SLC35F1: variants seen among roughly 807,000 people sequenced by gnomAD.
SLC35F1 encodes the protein chromosome 6 open reading frame 169.
SLC35F1 carries 14 observed loss-of-function variants against 48.7 expected under a neutral mutation model. The observed-to-expected ratio is 0.29, with a 90% CI of 0.19 to 0.45. The LOEUF is 0.45. Among genes scored for constraint, SLC35F1 ranks in the 20% least tolerant of loss-of-function variants. The probability of loss-of-function intolerance (pLI) is 1.00; values close to 1 mark genes in which losing one functional copy is unlikely to be tolerated. For synonymous variants in SLC35F1, 190 were observed against 202.2 expected, an observed-to-expected ratio of 0.94 and a Z score of 0.51; for missense variants, 404 against 500.0, an observed-to-expected ratio of 0.81 and a Z score of 1.83.
intron 1 of SLC35F1, among the ~76,000 whole-genome samples, chr6:118,097,943 C>T (rs1773202116): frequency 2.0e-5 from 3 of 151,988 alleles, no homozygotes; most frequent in Admixed American, 1.3e-4. Flanking sequence ...TGTCTTTTTT[C>T]TAAAAATAAG....
chr6:118,147,165 A>G (rs1773986096), intron 1 of SLC35F1, among the ~76,000 whole-genome samples: 1 of 152,198 alleles, frequency 6.6e-6, no homozygotes, highest in African/African-American at 2.4e-5. Flanking sequence ...TTCACAGTGC[A>G]TTCTGTGTAG....
chr6:118,033,126 C>T (rs545535958), intron 1 of SLC35F1, among the ~76,000 whole-genome samples: 2 of 152,224 alleles, frequency 1.3e-5, no homozygotes, highest in East Asian at 3.9e-4. Context: ...TAGGGCTTCC[C>T]TCCACCAAGT....
intron 1 of SLC35F1, chr6:117,999,578 A>AG: frequency 3.0e-6 from 2 of 661,910 alleles, no homozygotes; most frequent in Admixed American, 2.8e-5. Context: ...GAAAAAAAAA[A>AG]AAAAGAAATA....
chr6:117,972,491 A>G (rs1316845163), intron 1 of SLC35F1, among the ~76,000 whole-genome samples: 2 of 152,230 alleles, frequency 1.3e-5, no homozygotes. Context: ...TGCTGCTAAT[A>G]AAGACATACC....
intron 2 of SLC35F1, 64 bp from the exon 3 acceptor site, chr6:118,235,445 T>A (rs1260737390): frequency 2.8e-6 from 4 of 1,441,678 alleles, no homozygotes; most frequent in Non-Finnish European, 2.8e-6. Flanking sequence ...TTAGAATTCT[T>A]CTAAATGTAC....
intron 1 of SLC35F1, among the ~76,000 whole-genome samples, chr6:118,061,418 G>C (rs1772534368): frequency 6.6e-6 from 1 of 151,940 alleles, no homozygotes; most frequent in Non-Finnish European, 1.5e-5. Flanking sequence ...TTTTCTTTCT[G>C]AATTAGAAAA....
intron 2 of SLC35F1, among the ~76,000 whole-genome samples, chr6:118,219,934 C>T (rs536331887): frequency 4.6e-5 from 7 of 152,118 alleles, no homozygotes; most frequent in South Asian, 2.1e-4. Context: ...AACCAAACAC[C>T]TCATGTTCTC....
At chr6:118,002,639 ATTTC>A (rs1354130479) in intron 1 of SLC35F1, among the ~76,000 whole-genome samples, 4 of 151,872 alleles carry the variant, frequency 2.6e-5, no homozygotes, top group Non-Finnish European at 5.9e-5. Flanking sequence ...TAAAAAAAGA[ATTTC>A]TTTCTTTCTA....
chr6:118,000,128 C>G (rs1764797706), intron 1 of SLC35F1, among the ~76,000 whole-genome samples: 1 of 152,196 alleles, frequency 6.6e-6, no homozygotes, highest in South Asian at 2.1e-4. Context: ...ATACCAAAGC[C>G]TGGCAGAGAT....
chr6:118,145,296 A>C (rs1030136125), intron 1 of SLC35F1, among the ~76,000 whole-genome samples: 1 of 152,218 alleles, frequency 6.6e-6, no homozygotes, highest in Non-Finnish European at 1.5e-5. Flanking sequence ...ACAGGAGTGA[A>C]TGTTCTGCTA....
At chr6:118,241,774 T>A (rs182872410) in intron 3 of SLC35F1, among the ~76,000 whole-genome samples, 1 of 152,346 alleles carries the variant, frequency 6.6e-6, no homozygotes, top group Non-Finnish European at 1.5e-5. Context: ...GTTCTTCATC[T>A]ATACAATTCT....
At chr6:118,098,788 G>A (rs141918720) in intron 1 of SLC35F1, among the ~76,000 whole-genome samples, 2 of 152,290 alleles carry the variant, frequency 1.3e-5, no homozygotes, top group African/African-American at 4.8e-5. Context: ...TACTATTGAT[G>A]TGAAAGAAAT....
rs141229392 is a variant in SLC35F1, at chr6:117,939,183, G to A, written c.173+31284G>A. 2.9e-3 allele frequency among the ~76,000 whole-genome samples: 436 copies of A among 151,872 alleles called. 3 individuals are homozygous for A. The highest frequency in any genetic ancestry group is 0.01 in the Middle Eastern group (3 of 294). On this transcript the variant is annotated intron_variant, in intron 1 of 7. Coordinates refer to ENST00000360388, the MANE Select transcript of SLC35F1 (RefSeq NM_001029858.4). ...ACTGGCTAATTTTTAAAATTTGTTG[G>A]TATTATTTTGTAGAGACAGGGTCTC...
intron 1 of SLC35F1, among the ~76,000 whole-genome samples, chr6:118,120,579 G>T (rs946305386): frequency 1.3e-5 from 2 of 151,912 alleles, no homozygotes; most frequent in Non-Finnish European, 2.9e-5. Context: ...TGAATTTGTT[G>T]GTTTATGTTT....
At chr6:118,068,767 A>C (rs908808620) in intron 1 of SLC35F1, among the ~76,000 whole-genome samples, 3 of 152,174 alleles carry the variant, frequency 2.0e-5, no homozygotes, top group Non-Finnish European at 2.9e-5. Context: ...ATCTTATCCA[A>C]ACCTCATAAC....
Position 118,176,691 on chromosome 6 carries a change from C to T in SLC35F1, c.349+22071C>T, listed in dbSNP as rs557199849. 1.3e-4 allele frequency among the ~76,000 whole-genome samples: 20 copies of T among 152,198 alleles called. 1 individual carries two copies. In the South Asian group the frequency reaches 2.7e-3, roughly 20 times the overall value. On this transcript the variant is annotated intron_variant, in intron 2 of 7. Coordinates refer to ENST00000360388, the MANE Select transcript of SLC35F1 (RefSeq NM_001029858.4). ...ACATATTGTTTTATGACAAAGCTAA[C>T]GTAGCTAAGCCTTACAAGGTACATT...
rs1376458050 is a variant in SLC35F1 at position 118,314,181 on chromosome 6, G to C, written c.1156G>C (p.Val386Leu). The change falls in exon 8 of 8, where the codon GTG (valine) becomes CTG (leucine). Residue 386 changes from valine (V) to leucine (L), a missense_variant. Coordinates refer to ENST00000360388, the MANE Select transcript of SLC35F1 (RefSeq NM_001029858.4). ...PVVDLPTTAQVEPSVTYTSLG... is the reference protein window; with the variant it reads ...PVVDLPTTAQLEPSVTYTSLG... ...TGTGGACTTACCGACCACAGCTCAG[G>C]TGGAACCCTCAGTCACCTACACCAG... The C allele has an allele frequency of 1.9e-6, 3 of 1,614,032 alleles. No individual in the cohort carries two copies. In the South Asian group the frequency reaches 3.3e-5, roughly 18 times the overall value.
At chr6:118,302,989 A>T in intron 7 of SLC35F1, among the ~76,000 whole-genome samples, 1 of 151,640 alleles carries the variant, frequency 6.6e-6, no homozygotes, top group Admixed American at 6.6e-5. Context: ...AGAAAAAAAA[A>T]AAAACATTAA....
At chr6:118,067,631 T>C (rs983183438) in intron 1 of SLC35F1, among the ~76,000 whole-genome samples, 2 of 152,118 alleles carry the variant, frequency 1.3e-5, no homozygotes, top group African/African-American at 4.8e-5. Flanking sequence ...AAAATTCAGA[T>C]GGAATAAAGG....
Sources: allele counts gnomAD v4.1 joint callset (sites outside exome capture counted in the v4.1 genomes callset), GRCh38; gene constraint gnomAD v4.1.1; transcripts MANE v1.5; gene names NCBI Gene and HGNC (gene_info 2026-07-23, HGNC 2026-07-21).